Variants in SCAMP2 observed in about 807,000 individuals in gnomAD.
The protein encoded by SCAMP2 is secretory carrier membrane protein 2, also known as secretory carrier-associated membrane protein 2.
SCAMP2 carries 25 observed loss-of-function variants against 44.1 expected under a neutral mutation model. The ratio of observed to expected loss-of-function variants is 0.57; its 90% CI spans 0.41 to 0.79. The LOEUF (loss-of-function observed/expected upper bound fraction) is 0.79. Ranked by LOEUF, SCAMP2 falls within the 30% of genes least tolerant of loss-of-function variation. SCAMP2 has a pLI of 0.00. For synonymous variants in SCAMP2, 156 were observed against 166.0 expected (o/e 0.94, Z 0.46); for missense variants, 355 against 411.0 (o/e 0.86, Z 1.18).
At chr15:74,850,416 G>T in intron 6 of SCAMP2, 98 bp downstream of exon 6, 1 of 1,078,160 alleles carries the variant, frequency 9.3e-7, no homozygotes, top group Non-Finnish European at 1.4e-6. Flanking sequence ...ATTCTATTCT[G>T]CTCTAAGACT....
intron 1 of SCAMP2, among the ~76,000 whole-genome samples, chr15:74,861,925 GAAAGAAAAGA>G (rs1183860169): frequency 7.3e-6 from 1 of 137,522 alleles, no homozygotes; most frequent in South Asian, 2.3e-4. Context: ...AAAAAAGAAA[GAAAGAAAAGA>G]AAAGAAAAGG....
Position 74,848,697 on chromosome 15 carries a change from C to T in SCAMP2, c.637G>A (p.Asp213Asn), listed in dbSNP as rs369338474. The T allele has an allele frequency of 1.6e-5, 26 of 1,610,804 alleles. No homozygotes were observed. The highest frequency in any genetic ancestry group is 3.3e-5 in the Admixed American group (2 of 59,958). ...AACACAAAGAAGCTGAAAGAGTTGT[C>T]GGACCTGTGGAGAGAGAGGGAAATA... ...YRPIYKAFRS[D>N]NSFSFFVFFF... Residue 213 changes from aspartate (D) to asparagine (N), a missense_variant, in exon 7 of 9, where the codon GAC becomes AAC. Transcript: ENST00000268099.
intron 6 of SCAMP2, 149 bp downstream of exon 6, chr15:74,850,365 G>C: frequency 1.3e-6 from 1 of 790,266 alleles, no homozygotes; most frequent in Non-Finnish European, 2.0e-6. Flanking sequence ...GCTCTGGGTG[G>C]GAACAGAGGA....
At position 74,844,741 on chromosome 15, in the gene SCAMP2, G is replaced by C. The variant is rs2141168416; in HGVS notation, c.*342C>G. 1 of 198,556 alleles carries C rather than the reference G, an allele frequency of 5.0e-6. No individual in the cohort carries two copies. Among genetic ancestry groups the C allele is most frequent in the Non-Finnish European group, 1.0e-5 (1 of 96,178 alleles). The allele number at this position is 198,556 out of a possible 1,614,324, so 12.3% of individuals were successfully genotyped here. On this transcript the variant is annotated 3_prime_UTR_variant, in exon 9 of 9. Transcript: ENST00000268099. ...GACCCTGGCAGAAAGCTCCAGCTGGGATGGGCCCAGGTCAGCCTGTGATCC... is the reference window on the plus strand; with the variant it reads ...GACCCTGGCAGAAAGCTCCAGCTGGCATGGGCCCAGGTCAGCCTGTGATCC...
At position 74,844,992 on chromosome 15, in the gene SCAMP2, G is replaced by A; in HGVS notation, c.*91C>T. On this transcript the variant is annotated 3_prime_UTR_variant, in exon 9 of 9. Transcript: ENST00000268099. ...GCAAGAACCCTGCCAGGTCTGTGCT[G>A]GGCACAACCACCACCACATAAGGCA... is the stretch of plus-strand genomic sequence containing the variant. 1 of 1,456,054 alleles carries A rather than the reference G, an allele frequency of 6.9e-7. No individual in the cohort carries two copies. Among genetic ancestry groups the A allele is most frequent in the Non-Finnish European group, 9.4e-7 (1 of 1,062,910 alleles). The allele number at this position is 1,456,054 out of a possible 1,614,324, so 90.2% of individuals were successfully genotyped here. A position where few individuals can be genotyped will look rare whatever the true frequency, so the allele number is the denominator to read the frequency against.
chr15:74,868,247 C>G (rs116291557), intron 1 of SCAMP2, among the ~76,000 whole-genome samples: 1 of 152,226 alleles, frequency 6.6e-6, no homozygotes, highest in Non-Finnish European at 1.5e-5. Context: ...CCATTCACAG[C>G]TCTTTCTGTG....
Position 74,852,169 on chromosome 15 carries a change from G to C in SCAMP2, c.243C>G (p.Ala81=). 1 of 1,553,358 alleles carries C rather than the reference G, an allele frequency of 6.4e-7. No homozygotes were observed. The highest frequency in any genetic ancestry group is 8.7e-7 in the Non-Finnish European group (1 of 1,150,808). ...CCTGCTGCCGGAGCAGGCCTGCCTGGGCTGCAGACACCACGGCCTGGAGAG... is the reference window on the plus strand; with the variant it reads ...CCTGCTGCCGGAGCAGGCCTGCCTGCGCTGCAGACACCACGGCCTGGAGAG... ...QPTPQAVVSA[A]QAGLLRQQEE... The change falls in exon 4 of 9, where the codon GCC becomes GCG. Residue 81 remains alanine (A), a synonymous_variant. Transcript: ENST00000268099.
chr15:74,862,964 C>T (rs750107958), intron 1 of SCAMP2, among the ~76,000 whole-genome samples: 5 of 151,378 alleles, frequency 3.3e-5, no homozygotes, highest in Non-Finnish European at 7.4e-5. Flanking sequence ...AATCCCAGCA[C>T]TCTAAGAGGC....
chr15:74,851,369 G>A lies in SCAMP2; in HGVS notation c.456C>T (p.Leu152=). The change falls in exon 5 of 9, where the codon CTC becomes CTT. Residue 152 remains leucine (L), a synonymous_variant. Transcript: ENST00000268099. The part of the protein sequence containing the change: ...PADYQRICKM[L]YYLWMLHSVT... ...GGGACTCACACATCCACAGATAGTA[G>A]AGCATCTTGCATATCCGCTGGTAGT... The A allele has an allele frequency of 6.2e-7, 1 of 1,614,052 alleles. No individual in the cohort carries two copies. Among genetic ancestry groups the A allele is most frequent in the Non-Finnish European group, 8.5e-7 (1 of 1,179,950 alleles).
Position 74,845,667 on chromosome 15 carries a change from C to T in SCAMP2, c.735-74G>A. 3.2e-6 allele frequency: 5 copies of T among 1,571,580 alleles called. No homozygotes were observed. In the South Asian group the frequency reaches 5.7e-5, roughly 18 times the overall value. The stretch of plus-strand genomic sequence containing the variant: ...AAAAGTCAGCATAAGGGGCTCTTCT[C>T]CAAGTGGCTGCTGTGTCCTGACCAT... On this transcript the variant is annotated intron_variant, in intron 7 of 8. Transcript: ENST00000268099.
At chr15:74,873,159 A>G in intron 1 of SCAMP2, 40 bp downstream of exon 1, 4 of 1,414,718 alleles carry the variant, frequency 2.8e-6, no homozygotes, top group Non-Finnish European at 3.7e-6. Flanking sequence ...CGTGGGCCCT[A>G]GGGAAATCTG....
intron 1 of SCAMP2, among the ~76,000 whole-genome samples, chr15:74,867,042 G>A (rs995875451): frequency 2.6e-5 from 4 of 152,118 alleles, no homozygotes; most frequent in African/African-American, 4.8e-5. Context: ...TGATCCGCCC[G>A]CCTTGGCCTC....
chr15:74,858,865 T>G (rs1282381234), intron 1 of SCAMP2, among the ~76,000 whole-genome samples: 2 of 142,696 alleles, frequency 1.4e-5, no homozygotes, highest in African/African-American at 5.3e-5. Flanking sequence ...CAGGCTGGAG[T>G]GCAGTGGCGC....
chr15:74,852,236 A>T (rs755744028), intron 3 of SCAMP2, 50 bp from the exon 4 acceptor site: 4 of 1,318,082 alleles, frequency 3.0e-6, no homozygotes, highest in East Asian at 5.5e-5. Context: ...ACAAACAGAA[A>T]CAGTGTCAGC....
chr15:74,854,679 C>T, intron 1 of SCAMP2, 30 bp from the exon 2 acceptor site: 2 of 1,585,832 alleles, frequency 1.3e-6, no homozygotes, highest in East Asian at 2.3e-5. Flanking sequence ...CCCTTAGACA[C>T]AGTGGAGAAA....
chr15:74,858,419 A>C (rs2064480798), intron 1 of SCAMP2, among the ~76,000 whole-genome samples: 1 of 152,132 alleles, frequency 6.6e-6, no homozygotes, highest in Non-Finnish European at 1.5e-5. Flanking sequence ...GAGTCACTCC[A>C]ATCAGCTTCT....
intron 7 of SCAMP2, among the ~76,000 whole-genome samples, chr15:74,846,154 C>T (rs1312008587): frequency 3.3e-5 from 5 of 152,084 alleles, no homozygotes; most frequent in African/African-American, 7.2e-5. Context: ...TGGTTGCACA[C>T]GCCTGCAATC....
chr15:74,845,222 C>T lies in SCAMP2; in HGVS notation c.856-5G>A, dbSNP rs761759236. The T allele has an allele frequency of 1.1e-5, 17 of 1,611,434 alleles. No individual in the cohort carries two copies. The highest frequency in any genetic ancestry group is 4.5e-5 in the East Asian group (2 of 44,876). ...CCGTCGGTAGAGGGAGTGCACCTGG[C>T]GAAGAGGGGTGGGGTGAGAGAAGCC... On this transcript the variant is annotated splice_polypyrimidine_tract_variant and splice_region_variant and intron_variant, in intron 8 of 8. Transcript: ENST00000268099.
At chr15:74,848,755 C>T (rs911276927) in intron 6 of SCAMP2, 54 bp from the exon 7 acceptor site, 3 of 1,316,066 alleles carry the variant, frequency 2.3e-6, no homozygotes, top group Non-Finnish European at 2.2e-6. Flanking sequence ...TGTTCCTCAG[C>T]ATCCTTACTT....
Sources: gnomAD v4.1 joint callset for allele counts (sites outside exome capture counted in the v4.1 genomes callset) on GRCh38, gnomAD v4.1.1 for gene constraint, MANE v1.5 for transcripts, NCBI Gene and HGNC (gene_info 2026-07-23, HGNC 2026-07-21) for gene names.